DENND1B: variants seen among roughly 807,000 people sequenced by gnomAD.
DENND1B encodes the protein DENN domain-containing protein 1B.
In DENND1B, 59 loss-of-function variants were observed where a neutral mutation model predicts 90.1. The observed-to-expected ratio is 0.65, with a 90% CI of 0.53 to 0.81. The LOEUF (loss-of-function observed/expected upper bound fraction) is 0.81, where lower values mean the gene tolerates loss of function less well. Among genes scored for constraint, DENND1B ranks in the 40% least tolerant of loss-of-function variants. The probability of loss-of-function intolerance (pLI) is 0.00; values close to 1 mark genes in which losing one functional copy is unlikely to be tolerated. For missense variants in DENND1B, 862 were observed against 912.6 expected, an observed-to-expected ratio of 0.94 and a Z score of 0.71; for synonymous variants, 337 against 324.6, an observed-to-expected ratio of 1.04 and a Z score of -0.41.
rs16841754 is a variant in DENND1B at position 197,584,103 on chromosome 1, T to C, written c.1048-850A>G. Among the ~76,000 whole-genome samples the C allele has an allele frequency of 0.018, 2,786 of 152,226 alleles. 261 individuals carry two copies. In the East Asian group the frequency reaches 0.29, roughly 16 times the overall value. Reference sequence around the variant, plus strand: ...GCACCTTGTAGCAATATTTATGTCATAGGAAAAAGAAAAAGTGTGCCTGTT... The same window carrying C: ...GCACCTTGTAGCAATATTTATGTCACAGGAAAAAGAAAAAGTGTGCCTGTT... On this transcript the variant is annotated intron_variant, in intron 14 of 22. Transcript: ENST00000620048.
intron 15 of DENND1B, among the ~76,000 whole-genome samples, chr1:197,556,074 C>G (rs1671693052): frequency 6.6e-6 from 1 of 151,878 alleles, no homozygotes; most frequent in Non-Finnish European, 1.5e-5. Flanking sequence ...ATGCTGGAGG[C>G]CATTATCTTA....
At chr1:197,748,154 T>C (rs1652946172) in intron 2 of DENND1B, among the ~76,000 whole-genome samples, 2 of 152,024 alleles carry the variant, frequency 1.3e-5, no homozygotes, top group African/African-American at 4.8e-5. Flanking sequence ...AAACAAAATG[T>C]GATACTTAGT....
chr1:197,605,205 T>C (rs1031914614), intron 13 of DENND1B, among the ~76,000 whole-genome samples: 25 of 151,018 alleles, frequency 1.7e-4, no homozygotes, highest in African/African-American at 5.1e-4. Flanking sequence ...TGTCATTTTA[T>C]ATATTCAGGC....
At chr1:197,728,088 A>T (rs950608738) in intron 2 of DENND1B, among the ~76,000 whole-genome samples, 11 of 152,210 alleles carry the variant, frequency 7.2e-5, no homozygotes, top group African/African-American at 2.7e-4. Context: ...TCTACATAGC[A>T]GTTCTCAACC....
intron 2 of DENND1B, chr1:197,746,998 G>T: frequency 1.1e-6 from 1 of 927,776 alleles, no homozygotes; most frequent in Non-Finnish European, 1.8e-6. Context: ...TTCAAGGCCT[G>T]ATTTCTCAAC....
At chr1:197,743,377 T>C (rs1171875528) in intron 2 of DENND1B, among the ~76,000 whole-genome samples, 1 of 140,786 alleles carries the variant, frequency 7.1e-6, no homozygotes, top group African/African-American at 2.8e-5. Context: ...AAGTGTGCAA[T>C]AGCATTATGT....
At chr1:197,552,877 A>G (rs1394495559) in intron 16 of DENND1B, 145 bp downstream of exon 16, 2 of 1,438,410 alleles carry the variant, frequency 1.4e-6, no homozygotes, top group Non-Finnish European at 1.8e-6. Context: ...CATAGCTTTT[A>G]TAAGATGAAA....
intron 13 of DENND1B, 149 bp downstream of exon 13, chr1:197,606,923 TA>T: frequency 1.6e-6 from 1 of 612,036 alleles, no homozygotes; most frequent in South Asian, 2.0e-5. Context: ...GTAAAAATAT[TA>T]AATATAGAAT....
At chr1:197,655,784 G>A (rs1421302069) in intron 6 of DENND1B, among the ~76,000 whole-genome samples, 11 of 151,908 alleles carry the variant, frequency 7.2e-5, no homozygotes, top group South Asian at 2.1e-4. Context: ...CGCCCGCCTC[G>A]GCCTCCCAAA....
intron 20 of DENND1B, among the ~76,000 whole-genome samples, chr1:197,519,505 A>G (rs10922245): frequency 0.95 from 145,055 of 151,950 alleles, 69,606 homozygotes; most frequent in East Asian, 1. Flanking sequence ...GCACAGTGAT[A>G]ACTAAGAAGA....
intron 10 of DENND1B, among the ~76,000 whole-genome samples, chr1:197,635,085 G>T (rs563757256): frequency 6.6e-6 from 1 of 152,210 alleles, no homozygotes; most frequent in East Asian, 1.9e-4. Context: ...AAACTTCAAG[G>T]TTTACAAAGA....
At chr1:197,565,673 T>C (rs1672584824) in intron 15 of DENND1B, among the ~76,000 whole-genome samples, 1 of 128,500 alleles carries the variant, frequency 7.8e-6, no homozygotes, top group South Asian at 2.7e-4. Flanking sequence ...CAGAGTGTGA[T>C]GTTCCCCTTC....
rs11811376 is a variant in DENND1B, at chr1:197,702,053, C to G, written c.126+12978G>C. ...TGAAATGTTTCCCTATCTCTGGAGT[C>G]TATCAATAAAGTAGATTATAAAGCC... On this transcript the variant is annotated intron_variant, in intron 3 of 22. Coordinates refer to ENST00000620048, the MANE Select transcript of DENND1B (RefSeq NM_001195215.2). Among the ~76,000 whole-genome samples, 882 of 152,214 alleles carry G rather than the reference C, an allele frequency of 5.8e-3. 9 individuals are homozygous for G. The highest frequency in any genetic ancestry group is 0.02 in the African/African-American group (815 of 41,546).
intron 15 of DENND1B, among the ~76,000 whole-genome samples, chr1:197,576,887 G>C (rs1673731387): frequency 6.6e-6 from 1 of 151,988 alleles, no homozygotes; most frequent in South Asian, 2.1e-4. Context: ...GAATTATTTT[G>C]AATATCTATT....
chr1:197,773,570 A>T lies in DENND1B; in HGVS notation c.18-638T>A, dbSNP rs569032216. Among the ~76,000 whole-genome samples the T allele has an allele frequency of 4.6e-5, 7 of 152,324 alleles. No homozygotes were observed. The East Asian group carries it at 1.2e-3, about 25-fold the overall frequency. ...CATAGCTCTAAGGCTAGCAACATAA[A>T]AAGCCTTCTTTTTATCCATTATCTT... is the stretch of plus-strand genomic sequence containing the variant. On this transcript the variant is annotated intron_variant, in intron 1 of 22. Transcript: ENST00000620048.
At chr1:197,698,858 C>T (rs1308779459) in intron 3 of DENND1B, among the ~76,000 whole-genome samples, 1 of 152,016 alleles carries the variant, frequency 6.6e-6, no homozygotes, top group African/African-American at 2.4e-5. Flanking sequence ...AGGACTAAAC[C>T]ACGAAGAAGT....
intron 3 of DENND1B, among the ~76,000 whole-genome samples, chr1:197,701,161 A>C (rs542501311): frequency 6.6e-6 from 1 of 152,328 alleles, no homozygotes; most frequent in African/African-American, 2.4e-5. Context: ...TTACAATAGC[A>C]AAGACATGGA....
chr1:197,683,852 A>AT (rs1329934096), intron 3 of DENND1B, among the ~76,000 whole-genome samples: 1 of 152,190 alleles, frequency 6.6e-6, no homozygotes, highest in African/African-American at 2.4e-5. Context: ...ACAATATGTG[A>AT]TTGATTAGTT....
At chr1:197,723,775 C>A (rs1413273830) in intron 2 of DENND1B, among the ~76,000 whole-genome samples, 2 of 151,838 alleles carry the variant, frequency 1.3e-5, no homozygotes, top group African/African-American at 2.4e-5. Context: ...TTTAAGTTAG[C>A]ATGAGACTGT....
Sources: allele counts gnomAD v4.1 joint callset (sites outside exome capture counted in the v4.1 genomes callset), GRCh38; gene constraint gnomAD v4.1.1; transcripts MANE v1.5; gene names NCBI Gene and HGNC (gene_info 2026-07-23, HGNC 2026-07-21).